SUGT1: variants seen among roughly 807,000 people sequenced by gnomAD.
SUGT1 encodes SGT1 assembly cochaperone of MIS12 kinetochore complex, also known as protein SGT1 homolog.
In SUGT1, 15 loss-of-function variants were observed where a neutral mutation model predicts 56.1. That is an observed-to-expected ratio of 0.27 (90% CI 0.18 to 0.41). The LOEUF is 0.41. Among genes scored for constraint, SUGT1 ranks in the 10% least tolerant of loss-of-function variants. SUGT1 has a pLI of 1.00. For missense variants in SUGT1, 347 were observed against 382.2 expected (o/e 0.91, Z 0.77); for synonymous variants, 123 against 128.6 (o/e 0.96, Z 0.30).
At chr13:52,679,413 T>A (rs1963281180) in intron 11 of SUGT1, among the ~76,000 whole-genome samples, 1 of 152,218 alleles carries the variant, frequency 6.6e-6, no homozygotes, top group Non-Finnish European at 1.5e-5. Flanking sequence ...CTTACTGTTA[T>A]TGCCTATTAA....
intron 10 of SUGT1, among the ~76,000 whole-genome samples, chr13:52,670,778 A>C (rs1048319965): frequency 6.6e-6 from 1 of 152,112 alleles, no homozygotes; most frequent in Non-Finnish European, 1.5e-5. Flanking sequence ...GCGCCACTGC[A>C]CTCCCGCCTG....
chr13:52,679,890 C>T (rs1462996909), intron 11 of SUGT1, 84 bp from the exon 12 acceptor site: 22 of 1,341,490 alleles, frequency 1.6e-5, no homozygotes, highest in Non-Finnish European at 1.8e-5. Context: ...TAAGATGTTC[C>T]ATATACATGG....
chr13:52,674,309 C>T (rs1194726383), intron 10 of SUGT1, among the ~76,000 whole-genome samples: 1 of 152,020 alleles, frequency 6.6e-6, no homozygotes, highest in African/African-American at 2.4e-5. Flanking sequence ...GCCTCGGCCT[C>T]CTAAGGTGCT....
chr13:52,659,995 A>T (rs1053730009), intron 5 of SUGT1, among the ~76,000 whole-genome samples: 2 of 150,072 alleles, frequency 1.3e-5, no homozygotes, highest in African/African-American at 4.9e-5. Context: ...CGCCCGGCCA[A>T]TTTTTTTGTA....
Position 52,689,900 on chromosome 13 carries a change from CA to C in SUGT1, c.*2066del, listed in dbSNP as rs1456536940. 6.6e-6 allele frequency: 1 copy of C among 151,042 alleles called. No individual in the cohort carries two copies. Among genetic ancestry groups the C allele is most frequent in the Non-Finnish European group, 1.5e-5 (1 of 67,958 alleles). 9.4% of individuals were successfully genotyped at this position (151,042 alleles called of 1,614,324 possible). A position where few individuals can be genotyped will look rare whatever the true frequency, so the allele number is the denominator to read the frequency against. ...AGGGAGAATTGCTTGAACCGGGAGG[CA>C]GGGGGTGCAGTGAGCCAAGATCATG... On this transcript the variant is annotated 3_prime_UTR_variant, in exon 13 of 13. Transcript: ENST00000310528.
intron 12 of SUGT1, among the ~76,000 whole-genome samples, chr13:52,686,099 T>C (rs968646818): frequency 6.6e-6 from 1 of 152,182 alleles, no homozygotes; most frequent in Non-Finnish European, 1.5e-5. Context: ...GGCTAATTTT[T>C]GTAGTTTTAG....
intron 2 of SUGT1, among the ~76,000 whole-genome samples, chr13:52,654,930 A>G (rs1372241558): frequency 2.6e-5 from 4 of 152,192 alleles, no homozygotes; most frequent in Non-Finnish European, 5.9e-5. Context: ...GAACACATGC[A>G]TTTCTTTTGG....
chr13:52,674,772 GT>G (rs1256023334), intron 10 of SUGT1, among the ~76,000 whole-genome samples: 1 of 152,098 alleles, frequency 6.6e-6, no homozygotes, highest in African/African-American at 2.4e-5. Flanking sequence ...TTTATATAAT[GT>G]TTATTATAGT....
In SUGT1 at chr13:52,660,832, G is replaced by A. The variant is rs115018198; in HGVS notation, c.328+1583G>A. Reference sequence around the variant, plus strand: ...TTTCTTTCTTTTTTTAGCGAGAGAAGGTCTCGCTCTGTCGCCCAGGCTGGA... The same window carrying A: ...TTTCTTTCTTTTTTTAGCGAGAGAAAGTCTCGCTCTGTCGCCCAGGCTGGA... On this transcript the variant is annotated intron_variant, in intron 5 of 12. Transcript: ENST00000310528. 5.5e-3 allele frequency among the ~76,000 whole-genome samples: 840 copies of A among 152,114 alleles called. 4 individuals are homozygous for A. Among genetic ancestry groups the A allele is most frequent in the African/African-American group, 0.02 (810 of 41,486 alleles).
At chr13:52,655,334 A>T (rs1208559943) in intron 2 of SUGT1, among the ~76,000 whole-genome samples, 1 of 152,208 alleles carries the variant, frequency 6.6e-6, no homozygotes, top group African/African-American at 2.4e-5. Context: ...CAGTGAGGCC[A>T]GGCCATCAAA....
chr13:52,665,535 C>T (rs1412573853), intron 8 of SUGT1, 102 bp from the exon 9 acceptor site: 3 of 765,362 alleles, frequency 3.9e-6, no homozygotes, highest in East Asian at 5.7e-5. Flanking sequence ...TGTTTTCTTC[C>T]TCCAGGTGGG....
At chr13:52,668,087 ATTC>A (rs1454642350) in intron 10 of SUGT1, among the ~76,000 whole-genome samples, 1 of 151,446 alleles carries the variant, frequency 6.6e-6, no homozygotes, top group Non-Finnish European at 1.5e-5. Context: ...GGTTCAAGTG[ATTC>A]TCCTGCCTCA....
chr13:52,687,827 A>C lies in SUGT1; in HGVS notation c.994A>C (p.Lys332Gln), dbSNP rs1416972106. The change falls in exon 13 of 13, where the codon AAG becomes CAG. Residue 332 changes from lysine (K) to glutamine (Q), a missense_variant. Coordinates refer to ENST00000310528, the MANE Select transcript of SUGT1 (RefSeq NM_006704.5). ...INPPDDMEWK[K>Q]Y ...TCCTCCTGATGATATGGAATGGAAA[A>C]AGTACTAAATAAATTAATTTGCTCT... 1 of 1,597,328 alleles carries C rather than the reference A, an allele frequency of 6.3e-7. No homozygotes were observed. The highest frequency in any genetic ancestry group is 8.5e-7 in the Non-Finnish European group (1 of 1,172,482).
At chr13:52,676,184 G>T in intron 10 of SUGT1, 46 bp from the exon 11 acceptor site, 1 of 1,487,728 alleles carries the variant, frequency 6.7e-7, no homozygotes, top group Non-Finnish European at 9.1e-7. Flanking sequence ...TTACTGTTTT[G>T]TGTATTTTAC....
In SUGT1 at chr13:52,653,495, T is replaced by G. The variant is rs192601059; in HGVS notation, c.96+392T>G. ...CCATTCTTACGTAAAAGTGTCGGTA[T>G]GAAGTCAGTCTACTGGAGCAAAACC... On this transcript the variant is annotated intron_variant, in intron 2 of 12. Coordinates refer to ENST00000310528, the MANE Select transcript of SUGT1 (RefSeq NM_006704.5). Among the ~76,000 whole-genome samples, 8 of 152,340 alleles carry G rather than the reference T, an allele frequency of 5.3e-5. No individual in the cohort carries two copies. In the East Asian group the frequency reaches 1.5e-3, roughly 29 times the overall value.
intron 12 of SUGT1, among the ~76,000 whole-genome samples, chr13:52,680,504 G>T (rs9316583): frequency 6.6e-6 from 1 of 151,940 alleles, no homozygotes; most frequent in Non-Finnish European, 1.5e-5. Context: ...ATATAGATAC[G>T]AAACTTTTCA....
intron 4 of SUGT1, 68 bp from the exon 5 acceptor site, chr13:52,659,111 T>C: frequency 1.5e-6 from 2 of 1,304,160 alleles, no homozygotes; most frequent in South Asian, 3.0e-5. Flanking sequence ...ACTAAGTTTT[T>C]TATTTAGAAA....
rs1282879668 is a variant in SUGT1 at position 52,692,916 on chromosome 13, A to G, written c.*5081A>G. Reference sequence around the variant, plus strand: ...TACTTTTAACAACTGTTGCATGTGTAAGAAGACTGGTACATGATGCCAATG... The same window carrying G: ...TACTTTTAACAACTGTTGCATGTGTGAGAAGACTGGTACATGATGCCAATG... On this transcript the variant is annotated 3_prime_UTR_variant, in exon 13 of 13. Coordinates refer to ENST00000310528, the MANE Select transcript of SUGT1 (RefSeq NM_006704.5). 6 of 152,188 alleles carry G rather than the reference A, an allele frequency of 3.9e-5. No homozygotes were observed. Among genetic ancestry groups the G allele is most frequent in the Non-Finnish European group, 8.8e-5 (6 of 68,030 alleles). The allele number at this position is 152,188 out of a possible 1,614,324, so 9.4% of individuals were successfully genotyped here. A position where few individuals can be genotyped will look rare whatever the true frequency, so the allele number is the denominator to read the frequency against.
chr13:52,671,828 C>T (rs1962956206), intron 10 of SUGT1, among the ~76,000 whole-genome samples: 1 of 152,158 alleles, frequency 6.6e-6, no homozygotes. Flanking sequence ...CTATTTGTGA[C>T]TCTTCTAACT....
Sources: allele counts gnomAD v4.1 joint callset (sites outside exome capture counted in the v4.1 genomes callset), GRCh38; gene constraint gnomAD v4.1.1; transcripts MANE v1.5; gene names NCBI Gene and HGNC (gene_info 2026-07-23, HGNC 2026-07-21).